The following TRIM9 variants were observed in gnomAD, a reference collection of about 807,000 sequenced individuals.
TRIM9 encodes E3 ubiquitin-protein ligase TRIM9.
TRIM9 carries 26 observed loss-of-function variants against 78.3 expected under a neutral mutation model. The ratio of observed to expected loss-of-function variants is 0.33; its 90% CI spans 0.24 to 0.46. The LOEUF (loss-of-function observed/expected upper bound fraction) is 0.46, where lower values mean the gene tolerates loss of function less well. TRIM9 is among the 20% of genes least tolerant of loss of function. The pLI is 1.00. For missense variants in TRIM9, 787 were observed against 1,036.4 expected, an observed-to-expected ratio of 0.76 and a Z score of 3.30; for synonymous variants, 398 against 416.5, an observed-to-expected ratio of 0.96 and a Z score of 0.54.
At chr14:51,048,983 CAAA>C (rs570470795) in intron 1 of TRIM9, among the ~76,000 whole-genome samples, 6 of 95,252 alleles carry the variant, frequency 6.3e-5, no homozygotes, top group Admixed American at 1.2e-4. Flanking sequence ...GACTCCATCT[CAAA>C]AAAAAAAAAA....
intron 11 of TRIM9, among the ~76,000 whole-genome samples, chr14:50,980,094 C>A (rs1007628626): frequency 6.6e-6 from 1 of 152,122 alleles, no homozygotes; most frequent in Non-Finnish European, 1.5e-5. Flanking sequence ...GGATTTGGGG[C>A]CTTATGTTAT....
intron 1 of TRIM9, 112 bp downstream of exon 1, chr14:51,093,996 TCGAAGGCACC>T: frequency 1.0e-6 from 1 of 965,908 alleles, no homozygotes; most frequent in Non-Finnish European, 1.6e-6. Flanking sequence ...GAGGTAAACA[TCGAAGGCACC>T]TGCATTGCGC....
chr14:50,989,841 T>C (rs946651078), intron 7 of TRIM9, among the ~76,000 whole-genome samples: 5 of 152,172 alleles, frequency 3.3e-5, no homozygotes, highest in African/African-American at 1.2e-4. Flanking sequence ...CTTCTTTCCC[T>C]TCCTCACTAG....
intron 5 of TRIM9, among the ~76,000 whole-genome samples, chr14:51,005,809 T>C (rs1285175095): frequency 6.6e-6 from 1 of 152,158 alleles, no homozygotes; most frequent in Non-Finnish European, 1.5e-5. Flanking sequence ...AAACGTGCCA[T>C]TACAATTTAG....
chr14:50,981,706 G>T, intron 11 of TRIM9, 94 bp downstream of exon 11: 2 of 1,500,662 alleles, frequency 1.3e-6, no homozygotes, highest in South Asian at 1.2e-5. Flanking sequence ...TTGATTTCCT[G>T]AATGTGGTCT....
intron 1 of TRIM9, among the ~76,000 whole-genome samples, chr14:51,063,163 A>G (rs978562025): frequency 6.6e-6 from 1 of 152,164 alleles, no homozygotes; most frequent in African/African-American, 2.4e-5. Context: ...TGAAAGCTAT[A>G]AAAAAGGCAT....
intron 8 of TRIM9, 63 bp downstream of exon 8, chr14:50,985,893 G>A: frequency 7.5e-7 from 1 of 1,331,404 alleles, no homozygotes; most frequent in South Asian, 2.1e-5. Flanking sequence ...AACAAGACAC[G>A]CGTTTCAGAG....
At chr14:51,081,535 C>T (rs1476480025) in intron 1 of TRIM9, among the ~76,000 whole-genome samples, 1 of 152,196 alleles carries the variant, frequency 6.6e-6, no homozygotes, top group East Asian at 1.9e-4. Flanking sequence ...CATCCCTAGG[C>T]GTCCTGCAAT....
intron 1 of TRIM9, among the ~76,000 whole-genome samples, chr14:51,054,384 C>T (rs1716563572): frequency 6.6e-6 from 1 of 152,070 alleles, no homozygotes; most frequent in African/African-American, 2.4e-5. Context: ...GCCATACTCC[C>T]ACCTCAGCCT....
At chr14:51,081,765 T>G (rs956435459) in intron 1 of TRIM9, among the ~76,000 whole-genome samples, 3 of 152,282 alleles carry the variant, frequency 2.0e-5, no homozygotes, top group Non-Finnish European at 4.4e-5. Context: ...TTTACTTATA[T>G]TTACTGGTTT....
intron 1 of TRIM9, among the ~76,000 whole-genome samples, chr14:51,041,095 A>G (rs1159534881): frequency 6.6e-6 from 1 of 152,194 alleles, no homozygotes; most frequent in African/African-American, 2.4e-5. Context: ...ATTTCTTTTC[A>G]CCTTTTCCCT....
At chr14:51,019,966 A>G (rs2057588699) in intron 3 of TRIM9, among the ~76,000 whole-genome samples, 1 of 152,190 alleles carries the variant, frequency 6.6e-6, no homozygotes, top group African/African-American at 2.4e-5. Flanking sequence ...GATTATAAAG[A>G]CTGCGTAAGT....
chr14:51,002,708 G>A (rs2055237070), intron 5 of TRIM9, among the ~76,000 whole-genome samples: 1 of 152,106 alleles, frequency 6.6e-6, no homozygotes, highest in Non-Finnish European at 1.5e-5. Flanking sequence ...CAGGTTCTAT[G>A]GCAGATAACC....
At chr14:51,088,692 C>G (rs1031495121) in intron 1 of TRIM9, among the ~76,000 whole-genome samples, 2 of 150,452 alleles carry the variant, frequency 1.3e-5, no homozygotes, top group African/African-American at 4.9e-5. Flanking sequence ...AAAAACCTCA[C>G]AATAAAAATA....
chr14:50,978,192 C>T (rs2051312468), intron 12 of TRIM9, among the ~76,000 whole-genome samples: 1 of 152,180 alleles, frequency 6.6e-6, no homozygotes, highest in Non-Finnish European at 1.5e-5. Context: ...TGTTACTGCA[C>T]ATACTGAAAC....
chr14:51,054,646 T>G (rs1172782609), intron 1 of TRIM9, among the ~76,000 whole-genome samples: 1 of 151,956 alleles, frequency 6.6e-6, no homozygotes, highest in African/African-American at 2.4e-5. Flanking sequence ...GTGGCGCGAC[T>G]CACTGCAAGC....
intron 5 of TRIM9, among the ~76,000 whole-genome samples, chr14:51,006,367 C>CT (rs1305668478): frequency 6.6e-6 from 1 of 152,118 alleles, no homozygotes; most frequent in Non-Finnish European, 1.5e-5. Flanking sequence ...CAAAGAATAT[C>CT]TTTAAAAAAT....
rs1431552499 is a variant in TRIM9 at position 50,975,325 on chromosome 14, GT to G, written c.*1965del. 13 of 152,638 alleles carry G rather than the reference GT, an allele frequency of 8.5e-5. No homozygotes were observed. Among genetic ancestry groups the G allele is most frequent in the Non-Finnish European group, 1.3e-4 (9 of 68,034 alleles). 9.5% of individuals were successfully genotyped at this position (152,638 alleles called of 1,614,324 possible). ...AATGACAATTTTTTCTAGTATAGTA[GT>G]TGTATGCATCTGTAATTGCAATTCA... is the stretch of plus-strand genomic sequence containing the variant. On this transcript the variant is annotated 3_prime_UTR_variant, in exon 13 of 13. Transcript: ENST00000684578.
chr14:51,031,147 C>CAAAAAAA (rs1210514761), intron 1 of TRIM9, among the ~76,000 whole-genome samples: 1 of 100,724 alleles, frequency 9.9e-6, no homozygotes, highest in Non-Finnish European at 1.9e-5. Flanking sequence ...AAACTCTTTC[C>CAAAAAAA]AAAAAAAAAA....
Sources: allele counts gnomAD v4.1 joint callset (sites outside exome capture counted in the v4.1 genomes callset), GRCh38; gene constraint gnomAD v4.1.1; transcripts MANE v1.5; gene names NCBI Gene and HGNC (gene_info 2026-07-23, HGNC 2026-07-21).